UIMC1: variants seen among roughly 807,000 people sequenced by gnomAD.
UIMC1 encodes the protein BRCA1-A complex subunit RAP80.
A neutral mutation model predicts 84.9 loss-of-function variants in UIMC1; 42 were observed. The observed-to-expected ratio is 0.49, with a 90% CI of 0.39 to 0.64. UIMC1 has a LOEUF of 0.64. Ranked by LOEUF, UIMC1 falls within the 30% of genes least tolerant of loss-of-function variation. The pLI, the probability that UIMC1 is intolerant of heterozygous loss-of-function variation, is 0.00. For synonymous variants in UIMC1, 281 were observed against 293.0 expected (o/e 0.96, Z 0.42); for missense variants, 825 against 847.6 (o/e 0.97, Z 0.33).
At chr5:176,946,779 G>A (rs1162892888) in intron 9 of UIMC1, among the ~76,000 whole-genome samples, 1 of 152,118 alleles carries the variant, frequency 6.6e-6, no homozygotes, top group East Asian at 1.9e-4. Context: ...AGGTTCCAGT[G>A]AGCCGAGATC....
At chr5:176,979,126 C>A (rs557402429) in intron 2 of UIMC1, among the ~76,000 whole-genome samples, 1 of 152,082 alleles carries the variant, frequency 6.6e-6, no homozygotes, top group Non-Finnish European at 1.5e-5. Context: ...CATTTATAAA[C>A]AAGATTTTAG....
In UIMC1 at chr5:176,958,047, C is replaced by T. The variant is rs137952772; in HGVS notation, c.1262+46G>A. On this transcript the variant is annotated intron_variant, in intron 7 of 14. Transcript: ENST00000511320. The stretch of plus-strand genomic sequence containing the variant: ...ACTCATGTGGTTCATCTCCCTTATG[C>T]TGGCAACCATCAGAGGAGAATGCAT... 9.4e-3 allele frequency: 14,907 copies of T among 1,590,722 alleles called. 133 individuals are homozygous for T. The highest frequency in any genetic ancestry group is 0.019 in the Middle Eastern group (116 of 5,990).
At chr5:176,976,464 T>A (rs1047521897) in intron 2 of UIMC1, among the ~76,000 whole-genome samples, 3 of 152,152 alleles carry the variant, frequency 2.0e-5, no homozygotes, top group African/African-American at 7.2e-5. Flanking sequence ...CACAATAAGG[T>A]ATCACTTCAC....
intron 10 of UIMC1, among the ~76,000 whole-genome samples, chr5:176,942,239 G>T (rs1581467015): frequency 8.7e-6 from 1 of 115,194 alleles, no homozygotes; most frequent in Non-Finnish European, 2.2e-5. Flanking sequence ...TTTTTCAGCT[G>T]CTGTCTCTAG....
At position 176,905,238 on chromosome 5, in the gene UIMC1, A is replaced by G. The variant is rs1251511184; in HGVS notation, c.*44T>C. 1.1e-5 allele frequency: 17 copies of G among 1,601,080 alleles called. No individual in the cohort carries two copies. The East Asian group carries it at 3.8e-4, about 36-fold the overall frequency. On this transcript the variant is annotated 3_prime_UTR_variant, in exon 15 of 15. Transcript: ENST00000511320. ...CACTATGGCTTAATGAACATGGCCC[A>G]CCCCTCCTACTAATGGTTTTGTCAA...
At chr5:177,004,881 C>CT (rs949873869) in intron 1 of UIMC1, among the ~76,000 whole-genome samples, 1 of 152,054 alleles carries the variant, frequency 6.6e-6, no homozygotes, top group African/African-American at 2.4e-5. Flanking sequence ...AAATGATTGA[C>CT]TTTTACCCCT....
intron 1 of UIMC1, among the ~76,000 whole-genome samples, chr5:177,015,086 T>G (rs1379627865): frequency 6.6e-6 from 1 of 152,114 alleles, no homozygotes; most frequent in Non-Finnish European, 1.5e-5. Context: ...TACATCAGTA[T>G]GTTAAATTAT....
chr5:176,985,393 T>C (rs947371553), intron 1 of UIMC1, among the ~76,000 whole-genome samples: 4 of 151,150 alleles, frequency 2.6e-5, no homozygotes, highest in Admixed American at 1.3e-4. Flanking sequence ...GAGGCGGAGG[T>C]TGCAGTGAGC....
intron 4 of UIMC1, chr5:176,970,252 A>G (rs1768993887): frequency 5.7e-6 from 1 of 176,382 alleles, no homozygotes; most frequent in Non-Finnish European, 1.1e-5. Context: ...AGCCTGGGCA[A>G]TGGAGTGAGA....
chr5:176,995,537 CAAAA>C (rs57521139), intron 1 of UIMC1, among the ~76,000 whole-genome samples: 2 of 36,548 alleles, frequency 5.5e-5, no homozygotes, highest in South Asian at 1.1e-3. Context: ...ACTCTGTCTC[CAAAA>C]AAAAAAAAAA....
chr5:176,971,747 A>T (rs531173602), intron 3 of UIMC1, among the ~76,000 whole-genome samples: 1 of 152,100 alleles, frequency 6.6e-6, no homozygotes, highest in Admixed American at 6.5e-5. Context: ...TGTCTCTACT[A>T]AAAACACAAA....
chr5:177,003,666 C>T (rs1774859339), intron 1 of UIMC1, among the ~76,000 whole-genome samples: 1 of 152,056 alleles, frequency 6.6e-6, no homozygotes, highest in African/African-American at 2.4e-5. Flanking sequence ...AACAAACAAA[C>T]AAACAAACAA....
At chr5:177,000,790 G>A (rs1326316944) in intron 1 of UIMC1, among the ~76,000 whole-genome samples, 5 of 152,022 alleles carry the variant, frequency 3.3e-5, no homozygotes, top group Non-Finnish European at 5.9e-5. Context: ...CTGAGCTACC[G>A]TGCCCAGCCT....
chr5:176,924,189 G>A (rs922663251), intron 10 of UIMC1, among the ~76,000 whole-genome samples: 1 of 151,510 alleles, frequency 6.6e-6, no homozygotes, highest in East Asian at 2.0e-4. Flanking sequence ...ATGGTGGCAG[G>A]TGCCTGTAAT....
intron 10 of UIMC1, among the ~76,000 whole-genome samples, chr5:176,939,697 T>C (rs1185048316): frequency 6.6e-6 from 1 of 152,216 alleles, no homozygotes; most frequent in East Asian, 1.9e-4. Flanking sequence ...AATCACTTAA[T>C]GACACATTTC....
chr5:176,998,870 A>G (rs145201202), intron 1 of UIMC1, among the ~76,000 whole-genome samples: 1 of 151,982 alleles, frequency 6.6e-6, no homozygotes, highest in Non-Finnish European at 1.5e-5. Context: ...AAATTCCTAC[A>G]AGTCTGCGCT....
At chr5:176,982,365 G>T in intron 2 of UIMC1, 104 bp downstream of exon 2, 6 of 1,335,004 alleles carry the variant, frequency 4.5e-6, no homozygotes, top group South Asian at 3.0e-5. Context: ...CATGGTTTTG[G>T]TGAGCTGGCA....
rs571633196 is a variant in UIMC1, at chr5:176,978,196, C to T, written c.148-2716G>A. Among the ~76,000 whole-genome samples, 3 of 151,706 alleles carry T rather than the reference C, an allele frequency of 2.0e-5. No individual in the cohort carries two copies. In the South Asian group the frequency reaches 6.2e-4, roughly 31 times the overall value. ...ACCATCCTGGCTACCACAGTGAAAC[C>T]CCGTCTCTACTAAAAATACAAAAAA... On this transcript the variant is annotated intron_variant, in intron 2 of 14. Coordinates refer to ENST00000511320, the MANE Select transcript of UIMC1 (RefSeq NM_001199298.2).
intron 7 of UIMC1, among the ~76,000 whole-genome samples, chr5:176,956,793 C>T (rs2149463318): frequency 6.6e-6 from 1 of 151,872 alleles, no homozygotes; most frequent in African/African-American, 2.4e-5. Flanking sequence ...CAACCAAGAA[C>T]CACAGAGAAG....
Sources: allele counts gnomAD v4.1 joint callset (sites outside exome capture counted in the v4.1 genomes callset), GRCh38; gene constraint gnomAD v4.1.1; transcripts MANE v1.5; gene names NCBI Gene and HGNC (gene_info 2026-07-23, HGNC 2026-07-21).